The following PCDH15 variants were observed in gnomAD, a reference collection of about 807,000 sequenced individuals.
PCDH15 encodes protocadherin-15.
A neutral mutation model predicts 178.5 loss-of-function variants in PCDH15; 129 were observed. The ratio of observed to expected loss-of-function variants is 0.72; its 90% CI spans 0.63 to 0.84. The LOEUF is 0.84. Ranked by LOEUF, PCDH15 falls within the 40% of genes least tolerant of loss-of-function variation. PCDH15 has a pLI of 0.00. For synonymous variants in PCDH15, 800 were observed against 732.0 expected (o/e 1.09, Z -1.50); for missense variants, 2,230 against 2,099.9 (o/e 1.06, Z -1.21).
chr10:54,832,051 G>A (rs1953234430), intron 3 of PCDH15, among the ~76,000 whole-genome samples: 1 of 152,020 alleles, frequency 6.6e-6, no homozygotes, highest in African/African-American at 2.4e-5. Flanking sequence ...ATATAAACTT[G>A]TTTACAGTTT....
At chr10:53,983,684 T>C (rs1302830986) in intron 21 of PCDH15, among the ~76,000 whole-genome samples, 1 of 152,168 alleles carries the variant, frequency 6.6e-6, no homozygotes, top group African/African-American at 2.4e-5. Context: ...AAATAACACA[T>C]TCCTTGTAAA....
intron 2 of PCDH15, among the ~76,000 whole-genome samples, chr10:55,542,252 C>T (rs1171707905): frequency 6.6e-6 from 1 of 150,630 alleles, no homozygotes; most frequent in Non-Finnish European, 1.5e-5. Context: ...TGTATGTGTA[C>T]ATGTATGTAC....
At chr10:55,556,484 C>T (rs1366068278) in intron 2 of PCDH15, among the ~76,000 whole-genome samples, 5 of 152,080 alleles carry the variant, frequency 3.3e-5, no homozygotes, top group Non-Finnish European at 4.4e-5. Flanking sequence ...TTCCCCAAAA[C>T]TTGCAACTAT....
intron 2 of PCDH15, among the ~76,000 whole-genome samples, chr10:54,919,905 G>C (rs73264075): frequency 1.3e-5 from 2 of 152,000 alleles, no homozygotes; most frequent in East Asian, 3.9e-4. Context: ...AAAAAAAAAG[G>C]CTCTGTAACA....
chr10:53,837,466 GCTT>G (rs1307556276), intron 29 of PCDH15, among the ~76,000 whole-genome samples: 1 of 151,996 alleles, frequency 6.6e-6, no homozygotes, highest in Non-Finnish European at 1.5e-5. Context: ...GCATTTATGA[GCTT>G]TTTTATTTTT....
Position 55,287,155 on chromosome 10 carries a change from G to GTAT in PCDH15, c.-156+32443_-156+32444insATA, listed in dbSNP as rs1005380010. ...TAACTTCAAGTTGCCTCAGCACAAA[G>GTAT]TAATAGAGTCTTGTGTTGAGAAGAA... is the stretch of plus-strand genomic sequence containing the variant. On this transcript the variant is annotated intron_variant, in intron 1 of 5. Coordinates refer to the PCDH15 transcript ENST00000458638. 1.6e-3 allele frequency among the ~76,000 whole-genome samples: 240 copies of GTAT among 152,044 alleles called. 1 individual carries two copies. The highest frequency in any genetic ancestry group is 5.4e-3 in the African/African-American group (225 of 41,516).
chr10:54,662,980 G>T lies in PCDH15; in HGVS notation c.91+1192C>A, dbSNP rs1369026110. 3.9e-5 allele frequency among the ~76,000 whole-genome samples: 6 copies of T among 151,960 alleles called. No individual in the cohort carries two copies. The East Asian group carries it at 1.2e-3, about 29-fold the overall frequency. The stretch of plus-strand genomic sequence containing the variant: ...TCTCCATAAATATCAAAGATGTGAA[G>T]TTAAGTTCAGATGCACTTGAAGTAA... On this transcript the variant is annotated intron_variant, in intron 2 of 37. Coordinates refer to ENST00000644397, the MANE Select transcript of PCDH15 (RefSeq NM_001384140.1).
intron 3 of PCDH15, among the ~76,000 whole-genome samples, chr10:54,523,612 T>C (rs1381068444): frequency 2.6e-5 from 4 of 152,186 alleles, no homozygotes; most frequent in African/African-American, 9.6e-5. Context: ...ACTTGGCATT[T>C]GAATATTTGT....
intron 26 of PCDH15, among the ~76,000 whole-genome samples, chr10:53,871,975 G>A (rs1016727507): frequency 5.3e-5 from 8 of 152,000 alleles, no homozygotes; most frequent in Admixed American, 2.0e-4. Context: ...GAGAAACCCC[G>A]TCTCTACTAA....
At chr10:54,302,791 C>A (rs2060219820) in intron 8 of PCDH15, among the ~76,000 whole-genome samples, 1 of 152,106 alleles carries the variant, frequency 6.6e-6, no homozygotes, top group Admixed American at 6.6e-5. Context: ...TGACCTCAGA[C>A]CTTTCCATTT....
At chr10:55,276,008 T>C (rs1842586114) in intron 1 of PCDH15, among the ~76,000 whole-genome samples, 1 of 151,270 alleles carries the variant, frequency 6.6e-6, no homozygotes, top group Admixed American at 6.6e-5. Flanking sequence ...ATATTTTTGA[T>C]ATGTATAATG....
chr10:55,111,068 C>T (rs898271852), intron 2 of PCDH15, among the ~76,000 whole-genome samples: 1 of 152,052 alleles, frequency 6.6e-6, no homozygotes, highest in Non-Finnish European at 1.5e-5. Context: ...TAGTCTATTT[C>T]TGAAATGACT....
At chr10:54,807,974 A>C (rs1952805025) in intron 3 of PCDH15, among the ~76,000 whole-genome samples, 1 of 151,696 alleles carries the variant, frequency 6.6e-6, no homozygotes, top group African/African-American at 2.4e-5. Context: ...ACAACATTAA[A>C]ATTTTAAAAT....
chr10:53,865,531 T>C (rs1191406068), intron 27 of PCDH15, among the ~76,000 whole-genome samples: 3 of 152,194 alleles, frequency 2.0e-5, no homozygotes, highest in African/African-American at 4.8e-5. Context: ...CCACATGTTC[T>C]TATTCATATG....
rs143753770 is a variant in PCDH15 at position 55,286,113 on chromosome 10, C to T, written c.-156+33486G>A. Among the ~76,000 whole-genome samples, 334 of 151,964 alleles carry T rather than the reference C, an allele frequency of 2.2e-3. 2 individuals are homozygous for T. The highest frequency in any genetic ancestry group is 6.6e-3 in the African/African-American group (275 of 41,512). On this transcript the variant is annotated intron_variant, in intron 1 of 5. Transcript: ENST00000458638. ...GTAAAGAACACTCATATAATACCTA[C>T]GCATGTTTCTTTCTTTTCCATTAAA...
At chr10:54,501,347 T>TA (rs777135800) in intron 3 of PCDH15, among the ~76,000 whole-genome samples, 5 of 151,508 alleles carry the variant, frequency 3.3e-5, no homozygotes, top group African/African-American at 4.8e-5. Context: ...TATTGGGAAA[T>TA]AAAAAAAAGA....
chr10:54,742,213 C>A (rs1321525788), intron 1 of PCDH15, among the ~76,000 whole-genome samples: 1 of 151,970 alleles, frequency 6.6e-6, no homozygotes, highest in East Asian at 1.9e-4. Context: ...TTGTATTTAT[C>A]TGTGTGGTCA....
At chr10:54,929,706 T>C (rs983857147) in intron 2 of PCDH15, among the ~76,000 whole-genome samples, 6 of 152,176 alleles carry the variant, frequency 3.9e-5, no homozygotes, top group African/African-American at 1.2e-4. Context: ...CAAACAAGTC[T>C]GAGTGTGTGG....
intron 1 of PCDH15, among the ~76,000 whole-genome samples, chr10:54,763,905 T>C (rs1260949546): frequency 6.6e-6 from 1 of 151,162 alleles, no homozygotes. Context: ...TCATGAGAAA[T>C]CTGCAGATTT....
Sources: gnomAD v4.1 joint callset for allele counts (sites outside exome capture counted in the v4.1 genomes callset) on GRCh38, gnomAD v4.1.1 for gene constraint, MANE v1.5 for transcripts, NCBI Gene and HGNC (gene_info 2026-07-23, HGNC 2026-07-21) for gene names.